DCAF6: variants seen among roughly 807,000 people sequenced by gnomAD.
The protein encoded by DCAF6 is DDB1- and CUL4-associated factor 6.
DCAF6 carries 54 observed loss-of-function variants against 125.1 expected under a neutral mutation model. The observed-to-expected ratio is 0.43, with a 90% CI of 0.35 to 0.54. DCAF6 has a LOEUF of 0.54. Ranked by LOEUF, DCAF6 falls within the 20% of genes least tolerant of loss-of-function variation. The pLI, the probability that DCAF6 is intolerant of heterozygous loss-of-function variation, is 0.01. For missense variants in DCAF6, 934 were observed against 1,161.7 expected, an observed-to-expected ratio of 0.80 and a Z score of 2.85; for synonymous variants, 371 against 390.4, an observed-to-expected ratio of 0.95 and a Z score of 0.58.
chr1:167,866,257 G>A, the DCAF6 span, among the ~76,000 whole-genome samples: 8 of 152,152 alleles, frequency 5.3e-5, no homozygotes, highest in Non-Finnish European at 7.3e-5. Flanking sequence ...ATCGTAAAGC[G>A]AGAGAAGCCC....
At chr1:167,947,329 A>T (rs1571604402) in intron 1 of DCAF6, among the ~76,000 whole-genome samples, 1 of 139,628 alleles carries the variant, frequency 7.2e-6, no homozygotes. Flanking sequence ...TTTTCATTTC[A>T]TTGACCTTTT....
chr1:167,936,059 C>A, upstream of DCAF6: 1 of 581,102 alleles, frequency 1.7e-6, no homozygotes, highest in South Asian at 2.0e-5. Context: ...CGACTGCCAG[C>A]CCCCGGTCCG....
At chr1:167,974,802 C>T (rs1677891168) in intron 3 of DCAF6, 28 bp from the exon 4 acceptor site, 14 of 1,447,056 alleles carry the variant, frequency 9.7e-6, no homozygotes, top group South Asian at 3.4e-5. Context: ...AATAAGTTAC[C>T]ATTAACTGCT....
chr1:167,889,874 T>C, the DCAF6 span, among the ~76,000 whole-genome samples: 1 of 152,236 alleles, frequency 6.6e-6, no homozygotes, highest in Non-Finnish European at 1.5e-5. Context: ...TATTATCAGT[T>C]GTAATGTCTC....
chr1:167,911,137 A>G, the DCAF6 span, among the ~76,000 whole-genome samples: 10 of 152,250 alleles, frequency 6.6e-5, 1 homozygote, highest in East Asian at 1.5e-3. Flanking sequence ...AATATAAACA[A>G]TGTAAGAATG....
At chr1:167,938,272 T>G (rs671608) in intron 1 of DCAF6, among the ~76,000 whole-genome samples, 2 of 151,572 alleles carry the variant, frequency 1.3e-5, no homozygotes, top group Non-Finnish European at 1.5e-5. Flanking sequence ...GTGTGTGTGT[T>G]TGTGTGTGTA....
the DCAF6 span, chr1:167,899,513 C>T: frequency 6.8e-6 from 11 of 1,614,096 alleles, no homozygotes; most frequent in South Asian, 1.1e-4. Flanking sequence ...TAACATCATT[C>T]ATCTGAGCCA....
intron 9 of DCAF6, 31 bp from the exon 10 acceptor site, chr1:168,004,502 A>G (rs748150100): frequency 6.2e-7 from 1 of 1,604,788 alleles, no homozygotes; most frequent in South Asian, 1.1e-5. Context: ...AATATTTAAA[A>G]TTTGAATTTG....
intron 10 of DCAF6, among the ~76,000 whole-genome samples, chr1:168,015,577 G>A (rs751691113): frequency 1.3e-5 from 2 of 151,864 alleles, no homozygotes; most frequent in African/African-American, 4.8e-5. Flanking sequence ...CTAATTCATC[G>A]TAGTTAAATA....
At chr1:167,996,974 T>C (rs1681814215) in intron 7 of DCAF6, among the ~76,000 whole-genome samples, 1 of 152,200 alleles carries the variant, frequency 6.6e-6, no homozygotes. Context: ...TAACTTTCTA[T>C]GTATATTTTG....
intron 12 of DCAF6, among the ~76,000 whole-genome samples, chr1:168,026,382 T>C (rs966768006): frequency 3.9e-4 from 60 of 152,242 alleles, no homozygotes; most frequent in African/African-American, 1.4e-3. Context: ...TGTGATCAGA[T>C]TTACATATTG....
chr1:167,924,336 T>A, the DCAF6 span: 1 of 520,650 alleles, frequency 1.9e-6, no homozygotes, highest in South Asian at 3.8e-5. Context: ...GATAGTTGCT[T>A]TATGTAGAAA....
the DCAF6 span, chr1:167,878,387 A>G: frequency 1.3e-6 from 2 of 1,570,084 alleles, no homozygotes; most frequent in Non-Finnish European, 8.8e-7. Context: ...CTGCTTTGCT[A>G]TCATAATTCT....
intron 2 of DCAF6, among the ~76,000 whole-genome samples, chr1:167,964,512 G>A (rs533754169): frequency 1.4e-4 from 22 of 152,006 alleles, no homozygotes; most frequent in Non-Finnish European, 2.8e-4. Flanking sequence ...AAAAATGCTT[G>A]CCTAGCTGTA....
rs762567797 is a variant in DCAF6, at chr1:168,003,938, G to A, written c.1066G>A (p.Ala356Thr). Reference protein sequence around the residue: ...SDMLSRWFEEASEVAQSNRGR... With the variant: ...SDMLSRWFEETSEVAQSNRGR... The stretch of plus-strand genomic sequence containing the variant: ...TATGTTATCAAGATGGTTTGAAGAA[G>A]CAAGTGAGGTTGCACAAAGCAATAG... The change falls in exon 9 of 22, where the codon GCA (alanine) becomes ACA (threonine). Residue 356 changes from alanine to threonine, a missense_variant. Ala to Thr is a moderately conservative substitution (Grantham distance 58). Coordinates refer to ENST00000367840, the MANE Select transcript of DCAF6 (RefSeq NM_001198956.2). 1 of 1,612,374 alleles carries A rather than the reference G, an allele frequency of 6.2e-7. No individual in the cohort carries two copies. The highest frequency in any genetic ancestry group is 1.1e-5 in the South Asian group (1 of 90,996).
At chr1:168,072,352 C>CTA (rs56692073) in intron 21 of DCAF6, among the ~76,000 whole-genome samples, 2,997 of 140,282 alleles carry the variant, frequency 0.021, 98 homozygotes, top group African/African-American at 0.072. Context: ...CCTGGTCACT[C>CTA]AATCTAAAGT....
chr1:168,005,554 G>A (rs916080042), intron 10 of DCAF6, among the ~76,000 whole-genome samples: 7 of 151,994 alleles, frequency 4.6e-5, no homozygotes, highest in Admixed American at 2.0e-4. Context: ...TTTATTCATA[G>A]TTTTCTTTGG....
the DCAF6 span, among the ~76,000 whole-genome samples, chr1:167,910,201 T>C: frequency 9.2e-5 from 14 of 152,340 alleles, no homozygotes; most frequent in Admixed American, 3.3e-4. Context: ...ATCTGTGGTT[T>C]TGTGTTTCCT....
At chr1:168,073,969 A>C (rs1693473492) in intron 21 of DCAF6, among the ~76,000 whole-genome samples, 1 of 147,144 alleles carries the variant, frequency 6.8e-6, no homozygotes. Flanking sequence ...TATGTATTGA[A>C]TACATATTTA....
Sources: gnomAD v4.1 joint callset for allele counts (sites outside exome capture counted in the v4.1 genomes callset) on GRCh38, gnomAD v4.1.1 for gene constraint, MANE v1.5 for transcripts, NCBI Gene and HGNC (gene_info 2026-07-23, HGNC 2026-07-21) for gene names.